Variants in KCNQ5 observed in about 807,000 individuals in gnomAD.
The protein encoded by KCNQ5 is potassium voltage-gated channel subfamily KQT member 5.
A neutral mutation model predicts 98.2 loss-of-function variants in KCNQ5; 30 were observed. The ratio of observed to expected loss-of-function variants is 0.31; its 90% CI spans 0.23 to 0.41. KCNQ5 has a LOEUF of 0.41. Among genes scored for constraint, KCNQ5 ranks in the 10% least tolerant of loss-of-function variants. The pLI is 1.00. For missense variants in KCNQ5, 835 were observed against 1,182.5 expected, an observed-to-expected ratio of 0.71 and a Z score of 4.31; for synonymous variants, 458 against 449.4, an observed-to-expected ratio of 1.02 and a Z score of -0.24.
intron 1 of KCNQ5, among the ~76,000 whole-genome samples, chr6:73,001,688 T>C (rs1000129364): frequency 6.6e-6 from 1 of 152,156 alleles, no homozygotes; most frequent in African/African-American, 2.4e-5. Flanking sequence ...TGCCACATCA[T>C]CCTCCCAACT....
chr6:73,180,094 T>C (rs1778352951), intron 11 of KCNQ5, among the ~76,000 whole-genome samples: 1 of 152,172 alleles, frequency 6.6e-6, no homozygotes, highest in Non-Finnish European at 1.5e-5. Context: ...TCTAGAGAGC[T>C]CCAAGCTCTG....
At chr6:73,097,439 A>C (rs1935536) in intron 5 of KCNQ5, among the ~76,000 whole-genome samples, 145,607 of 152,152 alleles carry the variant, frequency 0.96, 69,667 homozygotes, top group South Asian at 0.98. Context: ...AAGGAATGTA[A>C]CTCAACACAA....
rs181148227 is a variant in KCNQ5, at chr6:72,654,481, G to A, written c.398+31894G>A. ...TGGAAATACATAAATTTGTGAGTCG[G>A]TTTTCTGAGTGAAAGTTAGAAATAA... is the stretch of plus-strand genomic sequence containing the variant. On this transcript the variant is annotated intron_variant, in intron 1 of 13. Coordinates refer to ENST00000370398, the MANE Select transcript of KCNQ5 (RefSeq NM_019842.4). Among the ~76,000 whole-genome samples, 198 of 152,140 alleles carry A rather than the reference G, an allele frequency of 1.3e-3. 1 individual carries two copies. Among genetic ancestry groups the A allele is most frequent in the African/African-American group, 4.6e-3 (190 of 41,538 alleles).
intron 2 of KCNQ5, among the ~76,000 whole-genome samples, chr6:73,029,922 AAAAAG>A (rs1215835847): frequency 6.6e-6 from 1 of 151,424 alleles, no homozygotes; most frequent in Admixed American, 6.6e-5. Context: ...AAAAAAAAAA[AAAAAG>A]AGTATACTTG....
intron 10 of KCNQ5, among the ~76,000 whole-genome samples, chr6:73,150,777 AATT>A (rs1294314424): frequency 1.3e-5 from 2 of 150,802 alleles, no homozygotes; most frequent in Non-Finnish European, 3.0e-5. Flanking sequence ...ACATATCATT[AATT>A]ATTAAGTATT....
chr6:72,999,915 G>A (rs1441100510), intron 1 of KCNQ5, among the ~76,000 whole-genome samples: 2 of 151,964 alleles, frequency 1.3e-5, no homozygotes, highest in African/African-American at 2.4e-5. Context: ...TCACAAGTAC[G>A]GCTAATACCA....
chr6:72,987,342 C>T (rs905357126), intron 1 of KCNQ5: 13 of 714,990 alleles, frequency 1.8e-5, no homozygotes, highest in Non-Finnish European at 3.2e-5. Context: ...CCAGGTGAGG[C>T]GAAAGGCCTT....
chr6:73,030,069 T>C (rs1582220656), intron 2 of KCNQ5, among the ~76,000 whole-genome samples: 1 of 152,208 alleles, frequency 6.6e-6, no homozygotes, highest in African/African-American at 2.4e-5. Flanking sequence ...TTAATAACAT[T>C]GAAATTATTA....
At chr6:73,041,818 A>G in intron 2 of KCNQ5, 118 bp from the exon 3 acceptor site, 6 of 1,087,614 alleles carry the variant, frequency 5.5e-6, no homozygotes, top group African/African-American at 1.6e-5. Flanking sequence ...TTAACTTTAG[A>G]TATTAACAAC....
At chr6:72,715,574 T>G (rs944217812) in intron 1 of KCNQ5, among the ~76,000 whole-genome samples, 22 of 152,168 alleles carry the variant, frequency 1.4e-4, no homozygotes, top group African/African-American at 4.8e-4. Context: ...TGAAGTCAGC[T>G]CATGCCTTCA....
At chr6:72,972,792 C>T (rs1767966919) in intron 1 of KCNQ5, among the ~76,000 whole-genome samples, 1 of 152,156 alleles carries the variant, frequency 6.6e-6, no homozygotes, top group Non-Finnish European at 1.5e-5. Flanking sequence ...AAGGCCTAAT[C>T]TCAGGGGCAC....
intron 1 of KCNQ5, among the ~76,000 whole-genome samples, chr6:72,842,961 C>A (rs976311971): frequency 8.5e-5 from 13 of 152,094 alleles, no homozygotes; most frequent in Non-Finnish European, 1.8e-4. Context: ...ATGATAGTTT[C>A]TTTGCTGTGC....
chr6:72,834,518 A>C (rs1776420614), intron 1 of KCNQ5, among the ~76,000 whole-genome samples: 1 of 152,116 alleles, frequency 6.6e-6, no homozygotes, highest in East Asian at 1.9e-4. Flanking sequence ...AATTTGCAAG[A>C]CCTGATTACA....
chr6:73,190,518 G>A, intron 11 of KCNQ5, 55 bp from the exon 12 acceptor site: 1 of 910,026 alleles, frequency 1.1e-6, no homozygotes, highest in South Asian at 3.4e-5. Context: ...AAACTATTTT[G>A]GTAACTTATA....
At chr6:72,811,163 T>A (rs921490559) in intron 1 of KCNQ5, among the ~76,000 whole-genome samples, 6 of 152,222 alleles carry the variant, frequency 3.9e-5, no homozygotes, top group Non-Finnish European at 8.8e-5. Flanking sequence ...CAAAATAAGC[T>A]GCCACTAACT....
intron 1 of KCNQ5, among the ~76,000 whole-genome samples, chr6:72,942,239 T>G (rs1766345629): frequency 6.6e-6 from 1 of 152,172 alleles, no homozygotes; most frequent in Non-Finnish European, 1.5e-5. Flanking sequence ...TAAATAAGAG[T>G]TTATTTTCCA....
At chr6:72,952,573 C>T (rs1013886681) in intron 1 of KCNQ5, among the ~76,000 whole-genome samples, 1 of 152,134 alleles carries the variant, frequency 6.6e-6, no homozygotes, top group African/African-American at 2.4e-5. Context: ...ATCAGAAACT[C>T]TATAAAATAT....
At position 72,953,779 on chromosome 6, in the gene KCNQ5, G is replaced by C. The variant is rs554464865; in HGVS notation, c.399-50129G>C. Among the ~76,000 whole-genome samples, 208 of 152,280 alleles carry C rather than the reference G, an allele frequency of 1.4e-3. 1 individual carries two copies. The highest frequency in any genetic ancestry group is 4.9e-3 in the African/African-American group (202 of 41,556). On this transcript the variant is annotated intron_variant, in intron 1 of 13. Coordinates refer to ENST00000370398, the MANE Select transcript of KCNQ5 (RefSeq NM_019842.4). ...ACTTCCTCAAGATATGTATGTTACA[G>C]AATTTTGACTTTTAAAGATTGAGAT...
chr6:73,063,045 A>G (rs577820919), intron 3 of KCNQ5, among the ~76,000 whole-genome samples: 2 of 152,272 alleles, frequency 1.3e-5, no homozygotes, highest in South Asian at 4.1e-4. Flanking sequence ...CTATTTTTGA[A>G]TTATGCTTTC....
Sources: allele counts gnomAD v4.1 joint callset (sites outside exome capture counted in the v4.1 genomes callset), GRCh38; gene constraint gnomAD v4.1.1; transcripts MANE v1.5; gene names NCBI Gene and HGNC (gene_info 2026-07-23, HGNC 2026-07-21).